INPP5B: variants seen among roughly 807,000 people sequenced by gnomAD.
INPP5B encodes inositol polyphosphate-5-phosphatase B.
A neutral mutation model predicts 118.5 loss-of-function variants in INPP5B; 90 were observed. The observed-to-expected ratio is 0.76, with a 90% CI of 0.64 to 0.90. INPP5B has a LOEUF of 0.90. INPP5B is among the 40% of genes least tolerant of loss of function. The probability of loss-of-function intolerance (pLI) is 0.00; values close to 1 mark genes in which losing one functional copy is unlikely to be tolerated. For synonymous variants in INPP5B, 385 were observed against 418.9 expected (o/e 0.92, Z 0.99); for missense variants, 984 against 1,125.6 (o/e 0.87, Z 1.80).
chr1:37,918,232 C>A (rs1370262851), intron 7 of INPP5B, among the ~76,000 whole-genome samples: 2 of 152,200 alleles, frequency 1.3e-5, no homozygotes, highest in Non-Finnish European at 2.9e-5. Context: ...CATTTAGCCT[C>A]TGCACTTGGC....
chr1:37,885,771 C>G lies in INPP5B; in HGVS notation c.1186G>C (p.Val396Leu), dbSNP rs202204967. 3.7e-6 allele frequency: 6 copies of G among 1,614,202 alleles called. No homozygotes were observed. The East Asian group carries it at 1.3e-4, about 36-fold the overall frequency. ...RFQFHNTSIC[V>L]VNSHLAAHIE... is the part of the protein sequence containing the mutation. ...TGGGCTGCCAAGTGAGAATTCACAA[C>G]GCAGATGCTGGTGTTGTGGAACTGG... The change falls in exon 13 of 24, where the codon GTT becomes CTT. Residue 396 changes from valine to leucine, a missense_variant. Coordinates refer to ENST00000373024, the MANE Select transcript of INPP5B (RefSeq NM_005540.3).
Position 37,885,806 on chromosome 1 carries a change from G to A in INPP5B, c.1151C>T (p.Ala384Val), listed in dbSNP as rs571007490. 2.4e-5 allele frequency: 38 copies of A among 1,613,886 alleles called. No individual in the cohort carries two copies. The highest frequency in any genetic ancestry group is 1.6e-4 in the Middle Eastern group (1 of 6,084). The change falls in exon 13 of 24, where the codon GCG becomes GTG. Residue 384 changes from alanine to valine, a missense_variant. Ala to Val is a moderately conservative substitution (Grantham distance 64). This residue lies in a region of INPP5B where 634 missense variants were observed against 791.0 expected (regional missense o/e 0.80). Transcript: ENST00000373024. Reference protein sequence around the residue: ...MGRMGNKGGVAIRFQFHNTSI... With the variant: ...MGRMGNKGGVVIRFQFHNTSI... Reference sequence around the variant, plus strand: ...GGTGTTGTGGAACTGGAACCTGATCGCCACGCCTCCCTTGTTGCCCTATGG... The same window carrying A: ...GGTGTTGTGGAACTGGAACCTGATCACCACGCCTCCCTTGTTGCCCTATGG...
intron 14 of INPP5B, among the ~76,000 whole-genome samples, chr1:37,882,343 A>G (rs1312263607): frequency 6.6e-6 from 1 of 152,182 alleles, no homozygotes; most frequent in Non-Finnish European, 1.5e-5. Flanking sequence ...ATGATGGAGA[A>G]CAGCAGGTTA....
Position 37,862,376 on chromosome 1 carries a change from T to C in INPP5B, c.2681A>G (p.Asp894Gly), listed in dbSNP as rs191075425. ...LRNPAGHQKL[D>G]MTEKKKAQEF... ...TTGAGCCTTCTTCTTCTCTGTCATATCAAGCTTTTGGTGACCAGCTGGGTT... is the reference window on the plus strand; with the variant it reads ...TTGAGCCTTCTTCTTCTCTGTCATACCAAGCTTTTGGTGACCAGCTGGGTT... Residue 894 changes from aspartate (D) to glycine (G), a missense_variant, in exon 24 of 24, where the codon GAT (aspartate) becomes GGT (glycine). By Grantham distance (94) the Asp-to-Gly change is moderately conservative (BLOSUM62 -1). This residue lies in a region of INPP5B where 634 missense variants were observed against 791.0 expected (regional missense o/e 0.80). Transcript: ENST00000373024. 10 of 1,613,926 alleles carry C rather than the reference T, an allele frequency of 6.2e-6. No individual in the cohort carries two copies. Among genetic ancestry groups the C allele is most frequent in the Non-Finnish European group, 8.5e-6 (10 of 1,179,938 alleles).
intron 6 of INPP5B, among the ~76,000 whole-genome samples, chr1:37,939,488 A>G: frequency 7.2e-6 from 1 of 139,818 alleles, no homozygotes; most frequent in East Asian, 2.1e-4. Flanking sequence ...CTCTGTCCCT[A>G]GGCTGGAGTG....
chr1:37,888,863 C>T (rs114370719), intron 9 of INPP5B, among the ~76,000 whole-genome samples: 1,848 of 152,232 alleles, frequency 0.012, 27 homozygotes, highest in African/African-American at 0.032. Flanking sequence ...AAAAGATTAC[C>T]AAACACCAGC....
chr1:37,907,966 C>A lies in INPP5B; in HGVS notation c.533-16512G>T, dbSNP rs553933866. Among the ~76,000 whole-genome samples, 2 of 152,126 alleles carry A rather than the reference C, an allele frequency of 1.3e-5. No individual in the cohort carries two copies. The highest frequency in any genetic ancestry group is 4.8e-5 in the African/African-American group (2 of 41,416). On this transcript the variant is annotated intron_variant, in intron 7 of 23. Transcript: ENST00000373024. This position sits in a 1 kb window ranked among gnomAD's most constrained non-coding sequence, Gnocchi z 4.3. ...CCATTGTGATTTGTTCCTGCCCCAC[C>A]CTAAGTGATAGGCTATGTTCTCCCC...
intron 10 of INPP5B, among the ~76,000 whole-genome samples, chr1:37,887,854 G>A (rs981527168): frequency 8.8e-5 from 9 of 102,560 alleles, no homozygotes; most frequent in Non-Finnish European, 2.0e-4. Flanking sequence ...GTATAGAGAT[G>A]AGAAGATTAA....
chr1:37,889,426 AT>A, intron 9 of INPP5B, 130 bp downstream of exon 9: 1 of 708,834 alleles, frequency 1.4e-6, no homozygotes, highest in Non-Finnish European at 2.3e-6. Context: ...GGAATCACTC[AT>A]TTTGAAAATG....
At chr1:37,888,102 A>G in intron 10 of INPP5B, 141 bp downstream of exon 10, 1 of 479,570 alleles carries the variant, frequency 2.1e-6, no homozygotes, top group Non-Finnish European at 3.6e-6. Context: ...GCTTGCCATG[A>G]GGAAGAACAT....
intron 19 of INPP5B, among the ~76,000 whole-genome samples, chr1:37,872,257 C>T (rs1642500144): frequency 6.6e-6 from 1 of 150,718 alleles, no homozygotes; most frequent in South Asian, 2.1e-4. Flanking sequence ...GTAGTCCCAG[C>T]TACTCAGGAG....
At chr1:37,887,174 G>A (rs1368624092) in intron 11 of INPP5B, among the ~76,000 whole-genome samples, 170 bp from the exon 12 acceptor site, 1 of 152,150 alleles carries the variant, frequency 6.6e-6, no homozygotes, top group South Asian at 2.1e-4. Flanking sequence ...TAACCTACGA[G>A]TGGCGAGACC....
chr1:37,920,007 T>C (rs1466610479), intron 7 of INPP5B, among the ~76,000 whole-genome samples: 1 of 152,222 alleles, frequency 6.6e-6, no homozygotes, highest in Non-Finnish European at 1.5e-5. Context: ...GAGCACTGTT[T>C]AAATCACTTT....
At chr1:37,926,315 C>T (rs567414145) in intron 7 of INPP5B, among the ~76,000 whole-genome samples, 6 of 148,654 alleles carry the variant, frequency 4.0e-5, no homozygotes, top group African/African-American at 9.9e-5. Flanking sequence ...TTTTTTGAGA[C>T]GGAGTCTCAC....
intron 7 of INPP5B, among the ~76,000 whole-genome samples, chr1:37,916,778 A>AT (rs1484124183): frequency 6.6e-6 from 1 of 152,094 alleles, no homozygotes; most frequent in Non-Finnish European, 1.5e-5. Flanking sequence ...TCAAACCAAA[A>AT]TGGAAATACC....
chr1:37,910,074 A>C (rs943726829), intron 7 of INPP5B, among the ~76,000 whole-genome samples: 6 of 152,170 alleles, frequency 3.9e-5, no homozygotes, highest in African/African-American at 7.2e-5. Context: ...ACTCTGGCCC[A>C]AGGCTCTCTG....
intron 7 of INPP5B, among the ~76,000 whole-genome samples, chr1:37,891,788 C>G (rs1372711321): frequency 6.6e-6 from 1 of 152,104 alleles, no homozygotes; most frequent in Non-Finnish European, 1.5e-5. Flanking sequence ...AACAAACAAA[C>G]AAACAAATAA....
At chr1:37,901,936 A>G (rs995837378) in intron 7 of INPP5B, among the ~76,000 whole-genome samples, 6 of 151,614 alleles carry the variant, frequency 4.0e-5, no homozygotes, top group Non-Finnish European at 2.9e-5. Context: ...GTGACAATAG[A>G]TATTTTTCCT....
chr1:37,892,504 G>A lies in INPP5B; in HGVS notation c.533-1050C>T, dbSNP rs142304587. On this transcript the variant is annotated intron_variant, in intron 7 of 23. Coordinates refer to ENST00000373024, the MANE Select transcript of INPP5B (RefSeq NM_005540.3). Reference sequence around the variant, plus strand: ...TTGTCAACAGGGAACAACATGAAGCGGTCACAGAGAGATGTGATTTTAAAA... The same window carrying A: ...TTGTCAACAGGGAACAACATGAAGCAGTCACAGAGAGATGTGATTTTAAAA... Among the ~76,000 whole-genome samples, 982 of 152,226 alleles carry A rather than the reference G, an allele frequency of 6.5e-3. 8 individuals are homozygous for A. Among genetic ancestry groups the A allele is most frequent in the Non-Finnish European group, 0.011 (723 of 68,012 alleles).
Sources: gnomAD v4.1 joint callset for allele counts (sites outside exome capture counted in the v4.1 genomes callset) on GRCh38, gnomAD v4.1.1 for gene constraint, gnomAD v4.1.1 regional missense constraint, Gnocchi (gnomAD v3.1) non-coding constraint, MANE v1.5 for transcripts, NCBI Gene and HGNC (gene_info 2026-07-23, HGNC 2026-07-21) for gene names.